Variants in CCNY observed in about 807,000 individuals in gnomAD.
CCNY encodes the protein cyclin Y.
CCNY carries 19 observed loss-of-function variants against 42.8 expected under a neutral mutation model. That is an observed-to-expected ratio of 0.44 (90% CI 0.31 to 0.65). The LOEUF (loss-of-function observed/expected upper bound fraction) is 0.65, where lower values mean the gene tolerates loss of function less well. Among genes scored for constraint, CCNY ranks in the 30% least tolerant of loss-of-function variants. CCNY has a pLI of 0.07. For missense variants in CCNY, 370 were observed against 437.3 expected (o/e 0.85, Z 1.37); for synonymous variants, 165 against 162.7 (o/e 1.01, Z -0.11).
intron 1 of CCNY, among the ~76,000 whole-genome samples, chr10:35,337,604 A>G (rs532726218): frequency 3.9e-5 from 6 of 152,330 alleles, no homozygotes; most frequent in South Asian, 2.1e-4. Flanking sequence ...CGTTTGTCCT[A>G]TAAAAGCGAA....
At chr10:35,535,190 A>G (rs992919966) in intron 7 of CCNY, among the ~76,000 whole-genome samples, 3 of 152,024 alleles carry the variant, frequency 2.0e-5, no homozygotes, top group South Asian at 2.1e-4. Context: ...CAGAGCTTCT[A>G]TAGCCCTTCG....
At chr10:35,350,806 GT>G (rs1345062978) in intron 1 of CCNY, among the ~76,000 whole-genome samples, 2 of 152,178 alleles carry the variant, frequency 1.3e-5, no homozygotes, top group African/African-American at 4.8e-5. Context: ...GGCAGCGTGG[GT>G]TTCTTGAAAT....
chr10:35,565,989 C>T (rs752695713), intron 8 of CCNY, 34 bp from the exon 9 acceptor site: 2 of 1,591,138 alleles, frequency 1.3e-6, no homozygotes, highest in African/African-American at 1.3e-5. Context: ...GGTGTGGCAG[C>T]TAAGCATAGG....
intron 1 of CCNY, among the ~76,000 whole-genome samples, chr10:35,403,417 C>T (rs959007504): frequency 5.3e-5 from 8 of 152,002 alleles, no homozygotes; most frequent in East Asian, 1.9e-4. Flanking sequence ...TGGAAGTGAT[C>T]GATGAGAAGG....
At chr10:35,252,820 G>A (rs373066654) in intron 3 of CCNY, among the ~76,000 whole-genome samples, 2 of 152,050 alleles carry the variant, frequency 1.3e-5, no homozygotes, top group Admixed American at 6.6e-5. Context: ...CCTCTGTTTC[G>A]TCTTGTAGTT....
At chr10:35,472,445 A>G (rs1321211580) in intron 1 of CCNY, among the ~76,000 whole-genome samples, 4 of 152,074 alleles carry the variant, frequency 2.6e-5, no homozygotes, top group African/African-American at 9.7e-5. Context: ...TGGGTTTTTC[A>G]TTCTTTTTGT....
At chr10:35,558,470 C>T (rs533920114) in intron 8 of CCNY, among the ~76,000 whole-genome samples, 1 of 152,260 alleles carries the variant, frequency 6.6e-6, no homozygotes, top group East Asian at 1.9e-4. Flanking sequence ...GCTTGAAGTC[C>T]AGAGTCCCGC....
intron 1 of CCNY, among the ~76,000 whole-genome samples, chr10:35,406,453 AGCGTCT>A (rs898978005): frequency 6.6e-6 from 1 of 151,926 alleles, no homozygotes; most frequent in Non-Finnish European, 1.5e-5. Flanking sequence ...GCTGCCTTCA[AGCGTCT>A]GTTTAACAAA....
chr10:35,265,168 T>C (rs2095723949), intron 3 of CCNY, among the ~76,000 whole-genome samples: 1 of 152,164 alleles, frequency 6.6e-6, no homozygotes, highest in Admixed American at 6.6e-5. Flanking sequence ...CAAATGATGA[T>C]GAAATATTTG....
At chr10:35,423,132 T>G (rs1838193498) in intron 1 of CCNY, among the ~76,000 whole-genome samples, 2 of 152,224 alleles carry the variant, frequency 1.3e-5, no homozygotes, top group African/African-American at 4.8e-5. Context: ...GTGTGATGTT[T>G]GCCTTTAATT....
chr10:35,530,095 C>G lies in CCNY; in HGVS notation c.460-29C>G, dbSNP rs891449497. ...TTCTCTTTTGCTCCAATCGGGAGAT[C>G]AGTCATCTGAAAATATTTTCTTCCC... On this transcript the variant is annotated intron_variant, in intron 6 of 9. Coordinates refer to ENST00000374704, the MANE Select transcript of CCNY (RefSeq NM_145012.6). The surrounding 1 kb of genome is among the most constrained non-coding windows in gnomAD (Gnocchi z 4.3). The G allele has an allele frequency of 2.5e-6, 4 of 1,614,144 alleles. No homozygotes were observed. Among genetic ancestry groups the G allele is most frequent in the Admixed American group, 1.7e-5 (1 of 60,022 alleles).
chr10:35,364,209 C>T (rs1039994695), intron 1 of CCNY, among the ~76,000 whole-genome samples: 69 of 152,016 alleles, frequency 4.5e-4, no homozygotes, highest in African/African-American at 1.6e-3. Context: ...TCATTTCTCA[C>T]GTGACTTCTG....
At chr10:35,322,383 T>A (rs966280924) in intron 3 of CCNY, among the ~76,000 whole-genome samples, 1 of 150,984 alleles carries the variant, frequency 6.6e-6, no homozygotes, top group African/African-American at 2.4e-5. Context: ...AAATTAAAAT[T>A]TCTAAAATAA....
intron 1 of CCNY, among the ~76,000 whole-genome samples, chr10:35,425,743 C>T (rs190865243): frequency 6.6e-6 from 1 of 152,276 alleles, no homozygotes; most frequent in Admixed American, 6.5e-5. Flanking sequence ...TGTAACCTTG[C>T]TATGGAGGAC....
Position 35,435,794 on chromosome 10 carries a change from T to C in CCNY, c.155-47610T>C, listed in dbSNP as rs1278601395. ...ATCTCTCTGGGCCTCAGGTTCTTCC[T>C]CTCTGCTGTGGGAACCAAATGCTAG... On this transcript the variant is annotated intron_variant, in intron 1 of 9. Coordinates refer to ENST00000374704, the MANE Select transcript of CCNY (RefSeq NM_145012.6). 2.0e-5 allele frequency among the ~76,000 whole-genome samples: 3 copies of C among 152,206 alleles called. No individual in the cohort carries two copies. In the East Asian group the frequency reaches 5.8e-4, roughly 29 times the overall value.
At chr10:35,544,538 C>A (rs1012504948) in intron 7 of CCNY, among the ~76,000 whole-genome samples, 1 of 152,114 alleles carries the variant, frequency 6.6e-6, no homozygotes. Context: ...CAGAATGTAC[C>A]CATTGTTAAA....
intron 3 of CCNY, among the ~76,000 whole-genome samples, chr10:35,310,129 T>G (rs1232463704): frequency 2.6e-5 from 4 of 152,210 alleles, no homozygotes; most frequent in East Asian, 1.9e-4. Flanking sequence ...TCTAACTCCA[T>G]GAGATCAACT....
intron 3 of CCNY, among the ~76,000 whole-genome samples, chr10:35,503,823 G>A (rs948106460): frequency 6.6e-6 from 1 of 152,270 alleles, no homozygotes; most frequent in South Asian, 2.1e-4. Context: ...CTTCAAGCAC[G>A]CCACTTAGCT....
intron 1 of CCNY, among the ~76,000 whole-genome samples, chr10:35,361,997 T>G (rs1401692316): frequency 1.3e-5 from 2 of 152,236 alleles, no homozygotes; most frequent in African/African-American, 4.8e-5. Context: ...TACACACATT[T>G]GTTTCATGCA....
Sources: allele counts gnomAD v4.1 joint callset (sites outside exome capture counted in the v4.1 genomes callset), GRCh38; gene constraint gnomAD v4.1.1; non-coding constraint Gnocchi (gnomAD v3.1); transcripts MANE v1.5; gene names NCBI Gene and HGNC (gene_info 2026-07-23, HGNC 2026-07-21).